DPH6: variants seen among roughly 807,000 people sequenced by gnomAD.
DPH6 encodes the protein diphthamine biosynthesis 6.
Under a neutral mutation model 38.2 loss-of-function variants are expected in DPH6, and 33 were observed. That is an observed-to-expected ratio of 0.86 (90% CI 0.65 to 1.15). The LOEUF is 1.15. DPH6 is among the 50% of genes most tolerant of loss of function. The pLI, the probability that DPH6 is intolerant of heterozygous loss-of-function variation, is 0.00. For missense variants in DPH6, 325 were observed against 320.0 expected (o/e 1.02, Z -0.12); for synonymous variants, 108 against 103.0 (o/e 1.05, Z -0.30).
intron 3 of DPH6, among the ~76,000 whole-genome samples, chr15:35,536,551 A>G (rs934012215): frequency 6.6e-6 from 1 of 152,026 alleles, no homozygotes; most frequent in African/African-American, 2.4e-5. Flanking sequence ...CTTCTTAATT[A>G]TTGCTAATCT....
chr15:35,494,163 C>T (rs2054518966), intron 3 of DPH6, among the ~76,000 whole-genome samples: 1 of 152,034 alleles, frequency 6.6e-6, no homozygotes, highest in African/African-American at 2.4e-5. Context: ...GCAATAGCAC[C>T]TACAATATTT....
intron 3 of DPH6, among the ~76,000 whole-genome samples, chr15:35,315,897 A>G (rs1322830077): frequency 6.6e-6 from 1 of 152,286 alleles, no homozygotes; most frequent in East Asian, 1.9e-4. Flanking sequence ...AGCAACATGG[A>G]TGGAACTGGA....
intron 5 of DPH6, among the ~76,000 whole-genome samples, chr15:35,439,346 G>A (rs1221990959): frequency 6.6e-6 from 1 of 152,194 alleles, no homozygotes; most frequent in Non-Finnish European, 1.5e-5. Flanking sequence ...ATAGAGTGGG[G>A]TATACTCCTG....
rs745920752 is a variant in DPH6 at position 35,347,696 on chromosome 15, C to T, written n.208-16619G>A. ...TGGTAGCTGTAATTTGTTGAGGAAC[C>T]GCCATACTATTTTCCATATTGGCTG... is the stretch of plus-strand genomic sequence containing the variant. On this transcript the variant is annotated intron_variant and non_coding_transcript_variant, in intron 3 of 3. Transcript: ENST00000558973. Among the ~76,000 whole-genome samples, 24 of 149,610 alleles carry T rather than the reference C, an allele frequency of 1.6e-4. 1 individual carries two copies. The highest frequency in any genetic ancestry group is 3.1e-4 in the Non-Finnish European group (21 of 67,352).
intron 1 of DPH6, among the ~76,000 whole-genome samples, chr15:35,543,264 A>T (rs1434171625): frequency 1.1e-4 from 1 of 9,470 alleles, no homozygotes; most frequent in Non-Finnish European, 4.3e-4. Flanking sequence ...CACATAATAT[A>T]TATATATATA....
rs535252098 is a variant in DPH6 at position 35,358,971 on chromosome 15, G to A, written n.207+14550C>T. Among the ~76,000 whole-genome samples the A allele has an allele frequency of 6.6e-5, 10 of 152,156 alleles. No individual in the cohort carries two copies. The East Asian group carries it at 1.7e-3, about 27-fold the overall frequency. ...CAAGATTATATACCCTTTGTCTTCC[G>A]CTACCAGGTTGGGTAGGGAAGGACC... On this transcript the variant is annotated intron_variant and non_coding_transcript_variant, in intron 3 of 3. Coordinates refer to the DPH6 transcript ENST00000558973.
At chr15:35,476,878 G>A (rs2054270202) in intron 3 of DPH6, among the ~76,000 whole-genome samples, 1 of 151,722 alleles carries the variant, frequency 6.6e-6, no homozygotes, top group Non-Finnish European at 1.5e-5. Context: ...TGAAAAATAG[G>A]CAGTAAAACA....
At chr15:35,189,977 G>A in the DPH6 span, among the ~76,000 whole-genome samples, 2 of 152,182 alleles carry the variant, frequency 1.3e-5, no homozygotes, top group African/African-American at 2.4e-5. Context: ...TTGTCCAGGT[G>A]TGGTTACATT....
chr15:35,337,732 G>T (rs1166834660), intron 3 of DPH6, among the ~76,000 whole-genome samples: 2 of 152,008 alleles, frequency 1.3e-5, no homozygotes, highest in Admixed American at 1.3e-4. Context: ...AAGTCAATCC[G>T]AAGCCAAAAG....
intron 3 of DPH6, chr15:35,298,816 A>T (rs2052033066): frequency 9.1e-7 from 1 of 1,101,030 alleles, no homozygotes; most frequent in Non-Finnish European, 1.4e-6. Flanking sequence ...TTCCTCGTAC[A>T]CTGGGGGAGG....
chr15:35,181,804 A>C, the DPH6 span: 1 of 152,230 alleles, frequency 6.6e-6, no homozygotes, highest in Admixed American at 6.5e-5. Flanking sequence ...AAGTCACACT[A>C]TAGGAGTCAG....
chr15:35,170,543 T>C, the DPH6 span, among the ~76,000 whole-genome samples: 3 of 152,216 alleles, frequency 2.0e-5, no homozygotes, highest in East Asian at 3.8e-4. Context: ...CTCTAAAGAA[T>C]AGTATTCGTG....
At chr15:35,453,135 A>G (rs2053957299) in intron 4 of DPH6, among the ~76,000 whole-genome samples, 1 of 152,220 alleles carries the variant, frequency 6.6e-6, no homozygotes, top group Non-Finnish European at 1.5e-5. Flanking sequence ...ACTCCCAGTA[A>G]CATTACTTTT....
Position 35,323,400 on chromosome 15 carries a change from C to T in DPH6, n.200+50121G>A, listed in dbSNP as rs115363936. 2.4e-3 allele frequency among the ~76,000 whole-genome samples: 371 copies of T among 152,096 alleles called. 1 individual carries two copies. The highest frequency in any genetic ancestry group is 8.5e-3 in the African/African-American group (353 of 41,512). On this transcript the variant is annotated intron_variant and non_coding_transcript_variant, in intron 3 of 3. Transcript: ENST00000560386. ...TGCCATTTGGGGAAGGAGGGGAAAACATTTTGTTTCCTTTTTTTTTCTTAA... is the reference window on the plus strand; with the variant it reads ...TGCCATTTGGGGAAGGAGGGGAAAATATTTTGTTTCCTTTTTTTTTCTTAA...
intron 5 of DPH6, among the ~76,000 whole-genome samples, chr15:35,433,510 T>C (rs1336558332): frequency 1.3e-5 from 2 of 152,334 alleles, no homozygotes; most frequent in South Asian, 4.1e-4. Flanking sequence ...TTGGCAAGTA[T>C]GTTCCATAAA....
chr15:35,349,733 C>T (rs1272742541), intron 3 of DPH6, among the ~76,000 whole-genome samples: 1 of 152,152 alleles, frequency 6.6e-6, no homozygotes, highest in Non-Finnish European at 1.5e-5. Context: ...CTGCCCCTGG[C>T]CTATGTGGTT....
At chr15:35,541,083 A>C (rs1356663118) in intron 2 of DPH6, among the ~76,000 whole-genome samples, 2 of 152,092 alleles carry the variant, frequency 1.3e-5, no homozygotes, top group Non-Finnish European at 2.9e-5. Flanking sequence ...GAACTCTTTC[A>C]AAAAACATCA....
the DPH6 span, among the ~76,000 whole-genome samples, chr15:35,150,932 G>A: frequency 6.6e-6 from 1 of 152,090 alleles, no homozygotes; most frequent in East Asian, 1.9e-4. Flanking sequence ...TTTCTATGAG[G>A]TTTTGGAGAC....
intron 3 of DPH6, among the ~76,000 whole-genome samples, chr15:35,510,323 C>G (rs1318659473): frequency 6.6e-6 from 1 of 152,198 alleles, no homozygotes; most frequent in Non-Finnish European, 1.5e-5. Flanking sequence ...TTTCTGAAAC[C>G]AGCCCACCTT....
Sources: gnomAD v4.1 joint callset for allele counts (sites outside exome capture counted in the v4.1 genomes callset) on GRCh38, gnomAD v4.1.1 for gene constraint, MANE v1.5 for transcripts, NCBI Gene and HGNC (gene_info 2026-07-23, HGNC 2026-07-21) for gene names.